Variants in ATP11B observed in about 807,000 individuals in gnomAD.
ATP11B encodes the protein ATPase phospholipid transporting 11B (putative).
In ATP11B, 81 loss-of-function variants were observed where a neutral mutation model predicts 157.8. The observed-to-expected ratio is 0.51, with a 90% CI of 0.43 to 0.62. The LOEUF (loss-of-function observed/expected upper bound fraction) is 0.62, where lower values mean the gene tolerates loss of function less well. Ranked by LOEUF, ATP11B falls within the 20% of genes least tolerant of loss-of-function variation. ATP11B has a pLI of 0.00. For synonymous variants in ATP11B, 451 were observed against 469.4 expected (o/e 0.96, Z 0.51); for missense variants, 1,165 against 1,402.2 (o/e 0.83, Z 2.70).
intron 1 of ATP11B, among the ~76,000 whole-genome samples, chr3:182,803,328 A>C (rs1291172877): frequency 6.6e-6 from 1 of 152,172 alleles, no homozygotes; most frequent in Non-Finnish European, 1.5e-5. Context: ...AGGTATCCTC[A>C]ATTTCATTCA....
At chr3:182,857,834 A>C in intron 10 of ATP11B, 44 bp from the exon 11 acceptor site, 1 of 1,235,122 alleles carries the variant, frequency 8.1e-7, no homozygotes, top group Non-Finnish European at 1.2e-6. Flanking sequence ...TGAATATAGT[A>C]ATACATGAGT....
intron 2 of ATP11B, among the ~76,000 whole-genome samples, chr3:182,824,851 T>C (rs1717609705): frequency 6.6e-6 from 1 of 152,234 alleles, no homozygotes; most frequent in Admixed American, 6.5e-5. Context: ...CACTGTGCCT[T>C]TGCTTTGATT....
chr3:182,896,528 A>G (rs1454199329), intron 25 of ATP11B, among the ~76,000 whole-genome samples, 172 bp from the exon 26 acceptor site: 1 of 152,224 alleles, frequency 6.6e-6, no homozygotes, highest in Admixed American at 6.5e-5. Context: ...ACATGTAAAT[A>G]ATGCTTTATG....
intron 1 of ATP11B, among the ~76,000 whole-genome samples, chr3:182,818,649 C>T (rs1462541683): frequency 6.6e-6 from 1 of 152,160 alleles, no homozygotes; most frequent in Admixed American, 6.6e-5. Context: ...GAATACCGTA[C>T]ATAACACTTA....
intron 28 of ATP11B, among the ~76,000 whole-genome samples, chr3:182,907,585 G>A (rs1479493937): frequency 6.6e-6 from 1 of 152,168 alleles, no homozygotes; most frequent in African/African-American, 2.4e-5. Context: ...TATATTTACA[G>A]TATATTTCTG....
Position 182,793,727 on chromosome 3 carries a change from G to T in ATP11B, c.-33G>T. On this transcript the variant is annotated 5_prime_UTR_variant, in exon 1 of 30. Coordinates refer to ENST00000323116, the MANE Select transcript of ATP11B (RefSeq NM_014616.3). ...CCACCTGCAGCCCCGCGGCCCCCGC[G>T]CCCCGCGGGACCCGGACGGCGACGA... The T allele has an allele frequency of 7.1e-7, 1 of 1,401,296 alleles. No homozygotes were observed. Among genetic ancestry groups the T allele is most frequent in the Non-Finnish European group, 9.3e-7 (1 of 1,070,786 alleles). 86.8% of individuals were successfully genotyped at this position (1,401,296 alleles called of 1,614,324 possible). A position where few individuals can be genotyped will look rare whatever the true frequency, so the allele number is the denominator to read the frequency against.
intron 1 of ATP11B, among the ~76,000 whole-genome samples, chr3:182,807,951 A>G (rs918648701): frequency 3.9e-5 from 6 of 152,224 alleles, no homozygotes; most frequent in African/African-American, 1.4e-4. Context: ...TTGATATTTC[A>G]GAATGATCAA....
rs1274748654 is a variant in ATP11B at position 182,919,718 on chromosome 3, A to C, written c.*1614A>C. ...CAGGGGAAAGAATGGTAGAGACAGA[A>C]ATTAAGACTTTATCCTTGTTTGCTT... On this transcript the variant is annotated 3_prime_UTR_variant, in exon 30 of 30. Coordinates refer to ENST00000323116, the MANE Select transcript of ATP11B (RefSeq NM_014616.3). 1 of 152,184 alleles carries C rather than the reference A, an allele frequency of 6.6e-6. No homozygotes were observed. The highest frequency in any genetic ancestry group is 1.5e-5 in the Non-Finnish European group (1 of 68,024). 9.4% of individuals were successfully genotyped at this position (152,184 alleles called of 1,614,324 possible).
At chr3:182,913,526 TG>T (rs1337161599) in intron 28 of ATP11B, among the ~76,000 whole-genome samples, 3 of 152,250 alleles carry the variant, frequency 2.0e-5, no homozygotes, top group Non-Finnish European at 4.4e-5. Flanking sequence ...CATGCAGAAT[TG>T]GAATTCATTA....
intron 1 of ATP11B, among the ~76,000 whole-genome samples, chr3:182,796,371 T>C (rs1002844798): frequency 3.9e-5 from 6 of 152,236 alleles, no homozygotes; most frequent in African/African-American, 1.4e-4. Flanking sequence ...ATTATAATTA[T>C]GGAAATGCCA....
chr3:182,885,930 C>A, intron 22 of ATP11B, 21 bp from the exon 23 acceptor site: 2 of 1,451,948 alleles, frequency 1.4e-6, no homozygotes, highest in South Asian at 1.4e-5. Context: ...TAATTATTTT[C>A]CATTTAATCT....
intron 24 of ATP11B, among the ~76,000 whole-genome samples, chr3:182,888,623 C>G (rs1722957653): frequency 6.6e-6 from 1 of 152,084 alleles, no homozygotes; most frequent in South Asian, 2.1e-4. Flanking sequence ...CAGGTTCAAG[C>G]AATCTTCCCG....
At chr3:182,865,819 T>C in intron 13 of ATP11B, 121 bp downstream of exon 13, 2 of 740,882 alleles carry the variant, frequency 2.7e-6, no homozygotes, top group Non-Finnish European at 4.3e-6. Context: ...TTGAAATTCA[T>C]ATATTTGATT....
At chr3:182,813,396 GTGTTTTGTTT>G (rs915301629) in intron 1 of ATP11B, among the ~76,000 whole-genome samples, 1 of 152,092 alleles carries the variant, frequency 6.6e-6, no homozygotes, top group African/African-American at 2.4e-5. Context: ...GTTTTGTGGG[GTGTTTTGTTT>G]TGTTTTGTTT....
intron 12 of ATP11B, among the ~76,000 whole-genome samples, chr3:182,860,720 G>A (rs1720764689): frequency 6.6e-6 from 1 of 151,986 alleles, no homozygotes; most frequent in Non-Finnish European, 1.5e-5. Context: ...CTGGTAGAAT[G>A]CCTCTGATTT....
intron 2 of ATP11B, among the ~76,000 whole-genome samples, chr3:182,820,813 G>C (rs1717292523): frequency 6.6e-6 from 1 of 152,110 alleles, no homozygotes; most frequent in African/African-American, 2.4e-5. Context: ...GTTAACTGTA[G>C]AATACAAGGA....
intron 28 of ATP11B, among the ~76,000 whole-genome samples, chr3:182,911,632 A>AGTG: frequency 6.6e-6 from 1 of 152,156 alleles, no homozygotes; most frequent in East Asian, 1.9e-4. Context: ...ATACGTGGTG[A>AGTG]GCACTCCACT....
intron 10 of ATP11B, among the ~76,000 whole-genome samples, chr3:182,854,877 C>G (rs1289693288): frequency 6.6e-6 from 1 of 151,768 alleles, no homozygotes; most frequent in African/African-American, 2.4e-5. Flanking sequence ...CACCTTTTGT[C>G]ATCTTTTCAG....
chr3:182,804,571 T>C (rs1716209264), intron 1 of ATP11B, among the ~76,000 whole-genome samples: 1 of 152,218 alleles, frequency 6.6e-6, no homozygotes, highest in Non-Finnish European at 1.5e-5. Context: ...CTTTCTCATC[T>C]TCTGCGTTAC....
Sources: allele counts gnomAD v4.1 joint callset (sites outside exome capture counted in the v4.1 genomes callset), GRCh38; gene constraint gnomAD v4.1.1; transcripts MANE v1.5; gene names NCBI Gene and HGNC (gene_info 2026-07-23, HGNC 2026-07-21).